The following NR1H3 variants were observed in gnomAD, a reference collection of about 807,000 sequenced individuals.
NR1H3 encodes nuclear receptor subfamily 1 group H member 3.
In NR1H3, 19 loss-of-function variants were observed where a neutral mutation model predicts 48.1. The observed-to-expected ratio is 0.40, with a 90% confidence interval of 0.28 to 0.58. The LOEUF (loss-of-function observed/expected upper bound fraction) is 0.58, where lower values mean the gene tolerates loss of function less well. Among genes scored for constraint, NR1H3 ranks in the 20% least tolerant of loss-of-function variants. The probability of loss-of-function intolerance (pLI) is 0.50; values close to 1 mark genes in which losing one functional copy is unlikely to be tolerated. For missense variants in NR1H3, 486 were observed against 595.9 expected (o/e 0.82, Z 1.92); for synonymous variants, 232 against 227.3 (o/e 1.02, Z -0.19).
At chr11:47,256,640 T>C (rs1252200935), upstream of NR1H3, among the ~76,000 whole-genome samples, 1 of 119,204 alleles carries the variant, frequency 8.4e-6, no homozygotes, top group Non-Finnish European at 1.6e-5. Flanking sequence ...AGTGAGACCC[T>C]ACCCCAAAAA....
chr11:47,248,889 T>C, upstream of NR1H3: 1 of 1,547,152 alleles, frequency 6.5e-7, no homozygotes, highest in South Asian at 1.2e-5. Flanking sequence ...CGGAAGTGCG[T>C]TCGCCGCCAT....
chr11:47,260,633 T>C lies in NR1H3; in HGVS notation c.457T>C (p.Cys153Arg). 1.9e-6 allele frequency: 3 copies of C among 1,610,172 alleles called. No individual in the cohort carries two copies. The highest frequency in any genetic ancestry group is 2.5e-6 in the Non-Finnish European group (3 of 1,179,338). ...CTACATGCGTCGCAAGTGCCAGGAG[T>C]GTCGGCTTCGCAAATGCCGTCAGGC... ...DTYMRRKCQE[C>R]RLRKCRQAGM... The change falls in exon 4 of 10, where the codon TGT becomes CGT. Residue 153 changes from cysteine to arginine, a missense_variant. Physicochemically the swap from Cys to Arg is radical, Grantham distance 180. Coordinates refer to ENST00000441012, the MANE Select transcript of NR1H3 (RefSeq NM_005693.4).
At chr11:47,265,870 C>T (rs1254076600) in intron 7 of NR1H3, among the ~76,000 whole-genome samples, 2 of 152,158 alleles carry the variant, frequency 1.3e-5, no homozygotes, top group Non-Finnish European at 2.9e-5. Context: ...GACTCTTTGT[C>T]TCAAAAAAAA....
chr11:47,268,192 G>T, intron 8 of NR1H3, 69 bp from the exon 9 acceptor site: 1 of 1,415,098 alleles, frequency 7.1e-7, no homozygotes, highest in Non-Finnish European at 9.9e-7. Context: ...TCTATATTTT[G>T]GTTGCAATTT....
At chr11:47,251,090 C>T (rs975770410) in intron 1 of NR1H3, among the ~76,000 whole-genome samples, 5 of 151,894 alleles carry the variant, frequency 3.3e-5, no homozygotes, top group South Asian at 2.1e-4. Context: ...ACCCAGCAGG[C>T]GGAGCTTGCA....
intron 9 of NR1H3, 52 bp from the exon 10 acceptor site, chr11:47,268,498 C>T (rs926571552): frequency 2.5e-5 from 41 of 1,612,218 alleles, no homozygotes; most frequent in Non-Finnish European, 3.3e-5. Flanking sequence ...TACTCTTGCC[C>T]CGCTTCCCTG....
upstream of NR1H3, chr11:47,248,455 A>G (rs1444595568): frequency 5.8e-6 from 9 of 1,545,164 alleles, no homozygotes; most frequent in Non-Finnish European, 7.8e-6. Context: ...TTAACCATTC[A>G]ACCACTTCCC....
chr11:47,259,737 C>G, intron 2 of NR1H3, 54 bp from the exon 3 acceptor site: 1 of 1,607,678 alleles, frequency 6.2e-7, no homozygotes, highest in Non-Finnish European at 8.5e-7. Context: ...GACGCTGGGC[C>G]GTGGAGCCGG....
At chr11:47,248,905 T>C, upstream of NR1H3, 1 of 1,542,356 alleles carries the variant, frequency 6.5e-7, no homozygotes. Flanking sequence ...GCCATCTTAC[T>C]TAGGGACCTG....
chr11:47,255,541 TTTTC>T (rs1173009490), upstream of NR1H3, among the ~76,000 whole-genome samples: 201 of 71,502 alleles, frequency 2.8e-3, 1 homozygote, highest in Middle Eastern at 0.013. Flanking sequence ...CTTTCTTTCT[TTTTC>T]TTTCTTTCTT....
chr11:47,248,422 A>T (rs1176741605), upstream of NR1H3: 7 of 1,535,494 alleles, frequency 4.6e-6, no homozygotes, highest in Non-Finnish European at 6.1e-6. Flanking sequence ...AAAGATAACC[A>T]AAGGCTTCTT....
upstream of NR1H3, among the ~76,000 whole-genome samples, chr11:47,254,097 G>A (rs928218714): frequency 5.3e-5 from 8 of 152,192 alleles, no homozygotes; most frequent in African/African-American, 1.9e-4. Context: ...GACGGCTCTG[G>A]CAGTTGAAGT....
Position 47,259,276 on chromosome 11 carries a change from C to G in NR1H3, c.43+17C>G. 6.2e-7 allele frequency: 1 copy of G among 1,614,170 alleles called. No homozygotes were observed. The highest frequency in any genetic ancestry group is 8.5e-7 in the Non-Finnish European group (1 of 1,180,010). ...TTCCTCCTGGTAAGCTTCATTCCAT[C>G]CCTCTCCCCTGAGCCCAGACCGCAG... On this transcript the variant is annotated intron_variant, in intron 2 of 9. Coordinates refer to ENST00000441012, the MANE Select transcript of NR1H3 (RefSeq NM_005693.4).
intron 7 of NR1H3, among the ~76,000 whole-genome samples, chr11:47,267,514 CT>C (rs113681661): frequency 3.9e-3 from 563 of 144,972 alleles, no homozygotes; most frequent in Middle Eastern, 7.2e-3. Context: ...CCTTGTAGAC[CT>C]TTTTTTTTTT....
At chr11:47,262,504 A>G (rs1956009382) in intron 7 of NR1H3, among the ~76,000 whole-genome samples, 1 of 147,916 alleles carries the variant, frequency 6.8e-6, no homozygotes, top group Non-Finnish European at 1.5e-5. Flanking sequence ...TGCCCGGCCA[A>G]GTACTTTTTT....
intron 1 of NR1H3, 41 bp downstream of exon 1, chr11:47,258,170 G>T (rs1180299073): frequency 1.0e-6 from 1 of 985,300 alleles, no homozygotes; most frequent in South Asian, 4.7e-5. Flanking sequence ...CTCTGTGTGT[G>T]TATCTGGGGT....
At position 47,268,011 on chromosome 11, in the gene NR1H3, A is replaced by G; in HGVS notation, c.1087A>G (p.Ser363Gly). Reference protein sequence around the residue: ...DAEFALLIAISIFSADRPNVQ... With the variant: ...DAEFALLIAIGIFSADRPNVQ... ...CGAGTTTGCCTTGCTCATTGCTATC[A>G]GCATCTTCTCTGCAGGTGTGGAGGA... Residue 363 changes from serine to glycine, a missense_variant, in exon 8 of 10, where the codon AGC becomes GGC. Physicochemically the swap from Ser to Gly is moderately conservative, Grantham distance 56. Coordinates refer to ENST00000441012, the MANE Select transcript of NR1H3 (RefSeq NM_005693.4). The G allele has an allele frequency of 6.2e-7, 1 of 1,613,252 alleles. No individual in the cohort carries two copies. The highest frequency in any genetic ancestry group is 8.5e-7 in the Non-Finnish European group (1 of 1,179,504).
rs141865811 is a variant in NR1H3 at position 47,261,666 on chromosome 11, C to T, written c.828C>T (p.Pro276=). The change falls in exon 6 of 10, where the codon CCC becomes CCT. Residue 276 remains proline, a synonymous_variant. Coordinates refer to ENST00000441012, the MANE Select transcript of NR1H3 (RefSeq NM_005693.4). The part of the protein sequence containing the change: ...QEIVDFAKQL[P]GFLQLSREDQ... ...TAGTTGACTTTGCTAAACAGCTACC[C>T]GGCTTCCTGCAGCTCAGCCGGGAGG... 1.1e-4 allele frequency: 174 copies of T among 1,614,062 alleles called. No individual in the cohort carries two copies. Among genetic ancestry groups the T allele is most frequent in the Non-Finnish European group, 1.4e-4 (164 of 1,180,050 alleles).
intron 1 of NR1H3, among the ~76,000 whole-genome samples, chr11:47,251,358 TC>T (rs1433491768): frequency 6.6e-6 from 1 of 152,000 alleles, no homozygotes; most frequent in Non-Finnish European, 1.5e-5. Context: ...ACACCTGTAA[TC>T]CCAGCACTTT....
Sources: gnomAD v4.1 joint callset for allele counts (sites outside exome capture counted in the v4.1 genomes callset) on GRCh38, gnomAD v4.1.1 for gene constraint, MANE v1.5 for transcripts, NCBI Gene and HGNC (gene_info 2026-07-23, HGNC 2026-07-21) for gene names.